The following ANKS1A variants were observed in gnomAD, a reference collection of about 807,000 sequenced individuals.
The protein encoded by ANKS1A is ankyrin repeat and SAM domain-containing protein 1A.
In ANKS1A, 55 loss-of-function variants were observed where a neutral mutation model predicts 120.3. The observed-to-expected ratio is 0.46, with a 90% CI of 0.37 to 0.57. The LOEUF (loss-of-function observed/expected upper bound fraction) is 0.57. Among genes scored for constraint, ANKS1A ranks in the 20% least tolerant of loss-of-function variants. The probability of loss-of-function intolerance (pLI) is 0.00; values close to 1 mark genes in which losing one functional copy is unlikely to be tolerated. For synonymous variants in ANKS1A, 590 were observed against 604.7 expected (o/e 0.98, Z 0.36); for missense variants, 1,123 against 1,480.3 (o/e 0.76, Z 3.96).
intron 11 of ANKS1A, among the ~76,000 whole-genome samples, chr6:35,020,658 C>A (rs946987603): frequency 3.3e-5 from 5 of 152,194 alleles, no homozygotes; most frequent in African/African-American, 9.7e-5. Flanking sequence ...TTCTGGGCAG[C>A]CTTATGGGCT....
rs1045633502 is a variant in ANKS1A, at chr6:35,089,510, T to A, written c.*901T>A. Reference sequence around the variant, plus strand: ...TTGGAGTGGGGTCAGCTAAGGTTGCTACTTGCCAATTTGTGATTTGTCTAA... The same window carrying A: ...TTGGAGTGGGGTCAGCTAAGGTTGCAACTTGCCAATTTGTGATTTGTCTAA... On this transcript the variant is annotated 3_prime_UTR_variant, in exon 24 of 24. Coordinates refer to ENST00000360359, the MANE Select transcript of ANKS1A (RefSeq NM_015245.3). 41 of 986,568 alleles carry A rather than the reference T, an allele frequency of 4.2e-5. No individual in the cohort carries two copies. The highest frequency in any genetic ancestry group is 8.4e-6 in the Non-Finnish European group (7 of 830,572). 61.1% of individuals were successfully genotyped at this position (986,568 alleles called of 1,614,324 possible).
At chr6:34,963,990 T>C (rs1770775116) in intron 1 of ANKS1A, among the ~76,000 whole-genome samples, 1 of 152,226 alleles carries the variant, frequency 6.6e-6, no homozygotes, top group Non-Finnish European at 1.5e-5. Flanking sequence ...ATTGAGTTGT[T>C]TTGAGTTCTT....
chr6:35,010,051 G>A, intron 10 of ANKS1A: 1 of 188,264 alleles, frequency 5.3e-6, no homozygotes, highest in Non-Finnish European at 1.1e-5. Flanking sequence ...AGCTGGGTGT[G>A]GTGGTGTGCA....
rs537155057 is a variant in ANKS1A, at chr6:35,090,083, G to C, written c.*1474G>C. The C allele has an allele frequency of 2.2e-3, 2,768 of 1,284,664 alleles. 13 individuals carry two copies. The highest frequency in any genetic ancestry group is 9.2e-3 in the South Asian group (739 of 80,490). 79.6% of individuals were successfully genotyped at this position (1,284,664 alleles called of 1,614,324 possible). On this transcript the variant is annotated 3_prime_UTR_variant, in exon 24 of 24. Coordinates refer to ENST00000360359, the MANE Select transcript of ANKS1A (RefSeq NM_015245.3). ...TCTGACTGGCTAGAGGCCAGGCCTT[G>C]TGGGTTTCTATCTGCTAAGCACCCA... is the stretch of plus-strand genomic sequence containing the variant.
intron 1 of ANKS1A, among the ~76,000 whole-genome samples, chr6:34,954,178 A>C (rs1165431919): frequency 6.6e-6 from 1 of 152,196 alleles, no homozygotes. Context: ...TGACAATTTC[A>C]CACTGTACTC....
At chr6:35,077,221 A>G (rs377214065) in intron 13 of ANKS1A, among the ~76,000 whole-genome samples, 68 of 152,232 alleles carry the variant, frequency 4.5e-4, no homozygotes, top group African/African-American at 1.6e-3. Flanking sequence ...CTTCCTCATA[A>G]CAGGCCTAGA....
chr6:35,089,992 A>C lies in ANKS1A; in HGVS notation c.*1383A>C, dbSNP rs548823726. On this transcript the variant is annotated 3_prime_UTR_variant, in exon 24 of 24. Coordinates refer to ENST00000360359, the MANE Select transcript of ANKS1A (RefSeq NM_015245.3). ...GAATTCTTTGTTGGTATGTATGTGCAGGGAGTACTGTTAGGCACATTCTTA... is the reference window on the plus strand; with the variant it reads ...GAATTCTTTGTTGGTATGTATGTGCCGGGAGTACTGTTAGGCACATTCTTA... 8.4e-7 allele frequency: 1 copy of C among 1,192,644 alleles called. No individual in the cohort carries two copies. Among genetic ancestry groups the C allele is most frequent in the East Asian group, 5.8e-5 (1 of 17,144 alleles). 73.9% of individuals were successfully genotyped at this position (1,192,644 alleles called of 1,614,324 possible).
intron 11 of ANKS1A, among the ~76,000 whole-genome samples, chr6:35,032,820 G>A (rs1042926395): frequency 2.0e-5 from 3 of 152,022 alleles, no homozygotes; most frequent in African/African-American, 7.2e-5. Flanking sequence ...AGAATAATTT[G>A]CTTCATAGAT....
intron 1 of ANKS1A, among the ~76,000 whole-genome samples, chr6:34,897,309 A>G (rs1204261256): frequency 6.6e-6 from 1 of 152,164 alleles, no homozygotes; most frequent in African/African-American, 2.4e-5. Flanking sequence ...TGAAAGTTAC[A>G]TTCTTGGCCA....
chr6:35,065,208 C>T (rs537196024), intron 13 of ANKS1A, among the ~76,000 whole-genome samples: 2 of 142,944 alleles, frequency 1.4e-5, no homozygotes, highest in African/African-American at 5.1e-5. Flanking sequence ...GCACCTCTTG[C>T]CCCCCCTCCC....
chr6:35,042,127 A>G (rs1276600542), intron 11 of ANKS1A, among the ~76,000 whole-genome samples: 1 of 152,204 alleles, frequency 6.6e-6, no homozygotes, highest in African/African-American at 2.4e-5. Context: ...TGAAATCACA[A>G]TACTATAAAA....
chr6:34,977,331 G>T (rs1387382250), intron 3 of ANKS1A, among the ~76,000 whole-genome samples: 1 of 151,706 alleles, frequency 6.6e-6, no homozygotes, highest in African/African-American at 2.4e-5. Flanking sequence ...CATTCTTGAT[G>T]ATTATGATTG....
chr6:35,028,015 A>G (rs533663673), intron 11 of ANKS1A, among the ~76,000 whole-genome samples: 2 of 152,372 alleles, frequency 1.3e-5, no homozygotes, highest in Admixed American at 6.5e-5. Context: ...AAAACTGCCT[A>G]AGCTCACTAG....
At position 34,983,308 on chromosome 6, in the gene ANKS1A, T is replaced by C; in HGVS notation, c.911-16T>C. ...TGCAGCACTTTTTATTTTTATTTTT[T>C]GATCTTTCCATGTAGATCACATGAC... On this transcript the variant is annotated splice_polypyrimidine_tract_variant and intron_variant, in intron 6 of 23. Coordinates refer to ENST00000360359, the MANE Select transcript of ANKS1A (RefSeq NM_015245.3). 6.2e-7 allele frequency: 1 copy of C among 1,613,376 alleles called. No homozygotes were observed. Among genetic ancestry groups the C allele is most frequent in the East Asian group, 2.2e-5 (1 of 44,878 alleles).
chr6:35,018,185 T>A, intron 11 of ANKS1A, 126 bp downstream of exon 11: 2 of 895,484 alleles, frequency 2.2e-6, no homozygotes, highest in South Asian at 1.7e-5. Context: ...CTTCACTCCG[T>A]AACTAATGTA....
chr6:34,984,924 A>G (rs1377532593), intron 7 of ANKS1A, among the ~76,000 whole-genome samples, 158 bp from the exon 8 acceptor site: 1 of 152,144 alleles, frequency 6.6e-6, no homozygotes, highest in South Asian at 2.1e-4. Context: ...AGCTGAAACT[A>G]TACGTATTCT....
chr6:34,923,319 T>C (rs573471341), intron 1 of ANKS1A, among the ~76,000 whole-genome samples: 5 of 152,108 alleles, frequency 3.3e-5, no homozygotes, highest in Non-Finnish European at 7.4e-5. Flanking sequence ...TGTTCCAAGG[T>C]CAGGAATAGT....
rs760294751 is a variant in ANKS1A, at chr6:35,085,756, T to C, written c.3133-10T>C. On this transcript the variant is annotated splice_polypyrimidine_tract_variant and intron_variant, in intron 21 of 23. Coordinates refer to ENST00000360359, the MANE Select transcript of ANKS1A (RefSeq NM_015245.3). The surrounding 1 kb of genome is among the most constrained non-coding windows in gnomAD (Gnocchi z 4.7). ...ACCAGGTGCTTAAGTGGTGATCTGC[T>C]TCCTCCCAGAACCTGACCTACGAGA... 2 of 1,572,200 alleles carry C rather than the reference T, an allele frequency of 1.3e-6. No homozygotes were observed. The highest frequency in any genetic ancestry group is 1.9e-5 in the Admixed American group (1 of 52,874).
intron 1 of ANKS1A, among the ~76,000 whole-genome samples, chr6:34,900,890 T>C (rs1767315830): frequency 1.3e-5 from 2 of 152,090 alleles, no homozygotes; most frequent in Non-Finnish European, 2.9e-5. Flanking sequence ...GAAAGTTAGA[T>C]AAAGAGAATG....
Sources: allele counts gnomAD v4.1 joint callset (sites outside exome capture counted in the v4.1 genomes callset), GRCh38; gene constraint gnomAD v4.1.1; non-coding constraint Gnocchi (gnomAD v3.1); transcripts MANE v1.5; gene names NCBI Gene and HGNC (gene_info 2026-07-23, HGNC 2026-07-21).